KLRG1: variants seen among roughly 807,000 people sequenced by gnomAD.
KLRG1 encodes the protein killer cell lectin-like receptor subfamily G member 1.
KLRG1 carries 16 observed loss-of-function variants against 21.8 expected under a neutral mutation model. The observed-to-expected ratio is 0.73, with a 90% CI of 0.50 to 1.11. The LOEUF is 1.11. Ranked by LOEUF, KLRG1 falls within the 50% of genes most tolerant of loss-of-function variation. The pLI, the probability that KLRG1 is intolerant of heterozygous loss-of-function variation, is 0.00. For missense variants in KLRG1, 173 were observed against 218.3 expected (o/e 0.79, Z 1.31); for synonymous variants, 69 against 75.9 (o/e 0.91, Z 0.47).
the KLRG1 span, among the ~76,000 whole-genome samples, chr12:9,065,386 C>G: frequency 6.6e-6 from 1 of 152,130 alleles, no homozygotes; most frequent in Non-Finnish European, 1.5e-5. Context: ...AGGGTGCCTA[C>G]TCCGGCTGCC....
the KLRG1 span, chr12:9,196,353 G>T: frequency 1.2e-6 from 2 of 1,611,532 alleles, no homozygotes; most frequent in Non-Finnish European, 1.7e-6. Flanking sequence ...GGGATTCCTT[G>T]TCTAAAGTGT....
At chr12:9,099,470 C>A in the KLRG1 span, 1 of 1,609,052 alleles carries the variant, frequency 6.2e-7, no homozygotes, top group Non-Finnish European at 8.5e-7. Flanking sequence ...AGCAACCGAG[C>A]GACAGGAGCA....
chr12:8,968,375 T>G (rs1239334129), intron 1 of KLRG1, among the ~76,000 whole-genome samples: 3 of 152,126 alleles, frequency 2.0e-5, no homozygotes, highest in Non-Finnish European at 4.4e-5. Context: ...AGAGTGACAA[T>G]TTTATAAGGG....
the KLRG1 span, among the ~76,000 whole-genome samples, chr12:9,062,642 AT>A: frequency 6.8e-6 from 1 of 147,752 alleles, no homozygotes. Context: ...ATACATATAC[AT>A]TTATATGTAT....
rs560616047 is a variant in KLRG1 at position 9,010,614 on chromosome 12, A to G, written c.*1077A>G. The G allele has an allele frequency of 6.6e-6, 1 of 152,256 alleles. No homozygotes were observed. Among genetic ancestry groups the G allele is most frequent in the Non-Finnish European group, 1.5e-5 (1 of 68,058 alleles). The allele number at this position is 152,256 out of a possible 1,614,324, so 9.4% of individuals were successfully genotyped here. ...TCTGTAGTGTTGATGATCCTGGATT[A>G]TAATCTTTTTCTCTTTATCTTTCAT... On this transcript the variant is annotated 3_prime_UTR_variant, in exon 5 of 5. Transcript: ENST00000356986.
the KLRG1 span, chr12:9,160,303 G>C: frequency 6.3e-7 from 1 of 1,590,652 alleles, no homozygotes; most frequent in Non-Finnish European, 8.5e-7. Flanking sequence ...ATTTTTCTCT[G>C]TCTCACTTAC....
chr12:9,164,829 AAAGCTGAGTTGT>A, the KLRG1 span, among the ~76,000 whole-genome samples: 3 of 152,234 alleles, frequency 2.0e-5, no homozygotes, highest in African/African-American at 7.2e-5. Context: ...TGGAACTGAG[AAAGCTGAGTTGT>A]GTGTCAGCTT....
At chr12:9,157,258 A>G in the KLRG1 span, 4 of 1,614,190 alleles carry the variant, frequency 2.5e-6, no homozygotes, top group Non-Finnish European at 3.4e-6. Flanking sequence ...AGCATAGGCC[A>G]GCAATGCCTT....
At chr12:9,024,018 ATTTT>A in the KLRG1 span, among the ~76,000 whole-genome samples, 209 of 70,898 alleles carry the variant, frequency 2.9e-3, 1 homozygote, top group South Asian at 0.015. Context: ...GAACACATGG[ATTTT>A]TTTTTTTTTT....
chr12:9,027,794 C>T, the KLRG1 span: 1 of 1,320,990 alleles, frequency 7.6e-7, no homozygotes, highest in Non-Finnish European at 1.1e-6. Flanking sequence ...CCACCACAAC[C>T]ACAGCTGCCA....
chr12:9,038,940 G>T, the KLRG1 span, among the ~76,000 whole-genome samples: 1 of 151,972 alleles, frequency 6.6e-6, no homozygotes, highest in Non-Finnish European at 1.5e-5. Flanking sequence ...AAATGAATTG[G>T]TTATAAGAAT....
the KLRG1 span, among the ~76,000 whole-genome samples, chr12:9,145,036 C>T: frequency 6.6e-6 from 1 of 152,182 alleles, no homozygotes; most frequent in Non-Finnish European, 1.5e-5. Flanking sequence ...TCTTTTTCAT[C>T]CCTTCACTTT....
chr12:9,192,432 T>G, the KLRG1 span: 1 of 1,403,484 alleles, frequency 7.1e-7, no homozygotes, highest in East Asian at 2.3e-5. Context: ...TGCAAGTAGT[T>G]TATTTTGACA....
At chr12:9,194,641 T>G in the KLRG1 span, among the ~76,000 whole-genome samples, 1 of 151,978 alleles carries the variant, frequency 6.6e-6, no homozygotes, top group Non-Finnish European at 1.5e-5. Flanking sequence ...ATTTTTTGTA[T>G]TTTTAGTAGA....
the KLRG1 span, among the ~76,000 whole-genome samples, chr12:9,024,018 ATTTTTTTTTTTTTT>A: frequency 9.9e-5 from 7 of 70,944 alleles, 1 homozygote; most frequent in East Asian, 2.5e-3. Context: ...GAACACATGG[ATTTTTTTTTTTTTT>A]TTTTTTTTTT....
the KLRG1 span, among the ~76,000 whole-genome samples, chr12:9,031,802 G>T: frequency 6.6e-6 from 1 of 152,180 alleles, no homozygotes; most frequent in Non-Finnish European, 1.5e-5. Flanking sequence ...CAGGCTAAAG[G>T]TAAATTTAAA....
the KLRG1 span, among the ~76,000 whole-genome samples, chr12:9,214,079 G>A: frequency 6.6e-6 from 1 of 151,796 alleles, no homozygotes; most frequent in East Asian, 1.9e-4. Flanking sequence ...CATTTATGTT[G>A]AAAATATTAT....
chr12:8,993,110 G>A (rs1013115017), intron 2 of KLRG1, among the ~76,000 whole-genome samples: 5 of 144,102 alleles, frequency 3.5e-5, no homozygotes, highest in African/African-American at 1.0e-4. Flanking sequence ...TTGCCATTCA[G>A]GTGCTTTCAC....
At chr12:8,979,267 C>G (rs1054603994) in intron 1 of KLRG1, among the ~76,000 whole-genome samples, 1 of 151,562 alleles carries the variant, frequency 6.6e-6, no homozygotes, top group Non-Finnish European at 1.5e-5. Context: ...ATCCATCTGC[C>G]TCAGTCTCCC....
Sources: allele counts gnomAD v4.1 joint callset (sites outside exome capture counted in the v4.1 genomes callset), GRCh38; gene constraint gnomAD v4.1.1; transcripts MANE v1.5; gene names NCBI Gene and HGNC (gene_info 2026-07-23, HGNC 2026-07-21).